Variants in KCNQ3 observed in about 807,000 individuals in gnomAD.
KCNQ3 encodes the protein potassium voltage-gated channel subfamily Q member 3, also known as potassium voltage-gated channel subfamily KQT member 3.
Under a neutral mutation model 92.5 loss-of-function variants are expected in KCNQ3, and 30 were observed. The ratio of observed to expected loss-of-function variants is 0.32; its 90% confidence interval spans 0.24 to 0.44. The LOEUF (loss-of-function observed/expected upper bound fraction) is 0.44, where lower values mean the gene tolerates loss of function less well. KCNQ3 is among the 20% of genes least tolerant of loss of function. The pLI is 1.00. For synonymous variants in KCNQ3, 450 were observed against 468.8 expected (o/e 0.96, Z 0.52); for missense variants, 913 against 1,140.3 (o/e 0.80, Z 2.87).
At chr8:132,350,024 G>T (rs1349526949) in intron 1 of KCNQ3, among the ~76,000 whole-genome samples, 1 of 152,162 alleles carries the variant, frequency 6.6e-6, no homozygotes, top group Non-Finnish European at 1.5e-5. Context: ...TCATTTAAAT[G>T]GAGCCTCTTT....
At chr8:132,310,623 TG>T in intron 1 of KCNQ3, among the ~76,000 whole-genome samples, 1 of 152,342 alleles carries the variant, frequency 6.6e-6, no homozygotes, top group Admixed American at 6.5e-5. Context: ...AATGTGGGCC[TG>T]GGCACCACAG....
At chr8:132,358,349 A>G (rs148927863) in intron 1 of KCNQ3, among the ~76,000 whole-genome samples, 186 of 152,132 alleles carry the variant, frequency 1.2e-3, no homozygotes, top group African/African-American at 4.3e-3. Flanking sequence ...GATGCTTTAG[A>G]CCCCCTCTGG....
chr8:132,127,066 A>G lies in KCNQ3; in HGVS notation c.*2196T>C, dbSNP rs961888657. 2.0e-5 allele frequency: 3 copies of G among 152,186 alleles called. No individual in the cohort carries two copies. Among genetic ancestry groups the G allele is most frequent in the Non-Finnish European group, 4.4e-5 (3 of 68,038 alleles). The allele number at this position is 152,186 out of a possible 1,614,324, so 9.4% of individuals were successfully genotyped here. A position where few individuals can be genotyped will look rare whatever the true frequency, so the allele number is the denominator to read the frequency against. ...AGTGAAAGATTCCAGGAAGATCAGG[A>G]TTCAATAATCAAGCCCTCAGGAAGG... On this transcript the variant is annotated 3_prime_UTR_variant, in exon 15 of 15. Coordinates refer to ENST00000388996, the MANE Select transcript of KCNQ3 (RefSeq NM_004519.4).
At chr8:132,347,328 C>T (rs962590078) in intron 1 of KCNQ3, among the ~76,000 whole-genome samples, 2 of 152,114 alleles carry the variant, frequency 1.3e-5, no homozygotes, top group African/African-American at 2.4e-5. Context: ...CATGATGATG[C>T]GATGGCAATG....
At chr8:132,432,261 G>C (rs900365754) in intron 1 of KCNQ3, among the ~76,000 whole-genome samples, 1 of 151,918 alleles carries the variant, frequency 6.6e-6, no homozygotes, top group Non-Finnish European at 1.5e-5. Flanking sequence ...GAATTAATCA[G>C]GATCAGGGAA....
chr8:132,440,574 C>T (rs1299276024), intron 1 of KCNQ3, among the ~76,000 whole-genome samples: 1 of 152,266 alleles, frequency 6.6e-6, no homozygotes, highest in African/African-American at 2.4e-5. Context: ...CCATGTCGGT[C>T]GTGGGAAACT....
In KCNQ3 at chr8:132,121,790, T is replaced by C. The variant is rs1265198959; in HGVS notation, c.*7472A>G. On this transcript the variant is annotated 3_prime_UTR_variant, in exon 15 of 15. Coordinates refer to ENST00000388996, the MANE Select transcript of KCNQ3 (RefSeq NM_004519.4). Reference sequence around the variant, plus strand: ...TTTGAACTTGTTTGGTTAAAAACAATGACAGGAGCTCCTTGGGGGCAGAGA... The same window carrying C: ...TTTGAACTTGTTTGGTTAAAAACAACGACAGGAGCTCCTTGGGGGCAGAGA... 1 of 152,184 alleles carries C rather than the reference T, an allele frequency of 6.6e-6. No individual in the cohort carries two copies. Among genetic ancestry groups the C allele is most frequent in the Non-Finnish European group, 1.5e-5 (1 of 68,030 alleles). 9.4% of individuals were successfully genotyped at this position (152,184 alleles called of 1,614,324 possible).
intron 1 of KCNQ3, among the ~76,000 whole-genome samples, chr8:132,198,960 A>G (rs1827381578): frequency 6.6e-6 from 1 of 152,166 alleles, no homozygotes; most frequent in Non-Finnish European, 1.5e-5. Flanking sequence ...CCATGCAAAC[A>G]TCCTTGACAA....
Position 132,134,362 on chromosome 8 carries a change from G to T in KCNQ3, c.1727C>A (p.Pro576His), listed in dbSNP as rs371890934. The change falls in exon 13 of 15, where the codon CCT (proline) becomes CAT (histidine). Residue 576 changes from proline (P) to histidine (H), a missense_variant. Around this residue, in one of 6 missense-constraint regions of KCNQ3, gnomAD observed 182 missense variants for 234.5 expected, o/e 0.78. Coordinates refer to ENST00000388996, the MANE Select transcript of KCNQ3 (RefSeq NM_004519.4). ...CTTCTTGTGTTTTGGCGTGGAGGGA[G>T]GTCCAGGGGTGAAAATCATATCTAT... ...TRIDMIFTPG[P>H]PSTPKHKKSQ... The T allele has an allele frequency of 1.9e-6, 3 of 1,613,246 alleles. No homozygotes were observed. The highest frequency in any genetic ancestry group is 2.5e-6 in the Non-Finnish European group (3 of 1,179,410).
At chr8:132,208,518 A>G (rs1329271241) in intron 1 of KCNQ3, among the ~76,000 whole-genome samples, 1 of 152,192 alleles carries the variant, frequency 6.6e-6, no homozygotes, top group African/African-American at 2.4e-5. Flanking sequence ...GACCAGCATC[A>G]AACTTTGTGA....
intron 1 of KCNQ3, chr8:132,186,539 T>C: frequency 2.7e-6 from 1 of 367,412 alleles, no homozygotes. Flanking sequence ...AGTATATGAA[T>C]TAATTAATAA....
chr8:132,240,160 T>A (rs1484642503), intron 1 of KCNQ3, among the ~76,000 whole-genome samples: 5 of 149,866 alleles, frequency 3.3e-5, no homozygotes, highest in Non-Finnish European at 5.9e-5. Flanking sequence ...GGATGGCATA[T>A]CCATAGGCCT....
At chr8:132,460,416 A>T (rs1822035343) in intron 1 of KCNQ3, among the ~76,000 whole-genome samples, 1 of 152,276 alleles carries the variant, frequency 6.6e-6, no homozygotes. Context: ...TCTAGACTCC[A>T]TTTACTTTTC....
chr8:132,226,757 T>C (rs567373840), intron 1 of KCNQ3, among the ~76,000 whole-genome samples: 19 of 152,236 alleles, frequency 1.2e-4, no homozygotes, highest in African/African-American at 4.3e-4. Flanking sequence ...GGTCTTCTTG[T>C]GGATCCTGCC....
Position 132,126,088 on chromosome 8 carries a change from C to G in KCNQ3, c.*3174G>C, listed in dbSNP as rs1017113265. On this transcript the variant is annotated 3_prime_UTR_variant, in exon 15 of 15. Transcript: ENST00000388996. The stretch of plus-strand genomic sequence containing the variant: ...AAATTTTTCATGTCACATTGTGACC[C>G]AGAAAGACCAAATACATACATGAGA... 6.6e-6 allele frequency: 1 copy of G among 152,110 alleles called. No homozygotes were observed. The highest frequency in any genetic ancestry group is 1.5e-5 in the Non-Finnish European group (1 of 68,028). 9.4% of individuals were successfully genotyped at this position (152,110 alleles called of 1,614,324 possible). A position where few individuals can be genotyped will look rare whatever the true frequency, so the allele number is the denominator to read the frequency against.
At chr8:132,316,515 T>C (rs1817748190) in intron 1 of KCNQ3, among the ~76,000 whole-genome samples, 1 of 152,236 alleles carries the variant, frequency 6.6e-6, no homozygotes, top group South Asian at 2.1e-4. Context: ...CTGGCCACTG[T>C]GTGGCTCAGT....
At position 132,339,200 on chromosome 8, in the gene KCNQ3, A is replaced by G. The variant is rs572009871; in HGVS notation, c.386+140947T>C. ...CTCTGAACAAAGTGGGGGCTGGAAC[A>G]GAGCCAGGAGCAGGGCCCTTCCAGA... On this transcript the variant is annotated intron_variant, in intron 1 of 14. Transcript: ENST00000388996. 3.3e-5 allele frequency among the ~76,000 whole-genome samples: 5 copies of G among 152,348 alleles called. No homozygotes were observed. The South Asian group carries it at 1.0e-3, about 32-fold the overall frequency.
intron 1 of KCNQ3, among the ~76,000 whole-genome samples, chr8:132,248,951 C>G (rs939552938): frequency 6.6e-6 from 1 of 152,126 alleles, no homozygotes; most frequent in African/African-American, 2.4e-5. Flanking sequence ...AAGAATGAAG[C>G]CGCAGACCCT....
intron 1 of KCNQ3, among the ~76,000 whole-genome samples, chr8:132,400,607 C>T (rs985889335): frequency 2.6e-5 from 4 of 152,204 alleles, no homozygotes; most frequent in Non-Finnish European, 4.4e-5. Flanking sequence ...AGGAAGCCCA[C>T]GTGGGTACAG....
Sources: allele counts gnomAD v4.1 joint callset (sites outside exome capture counted in the v4.1 genomes callset), GRCh38; gene constraint gnomAD v4.1.1; regional missense constraint gnomAD v4.1.1; transcripts MANE v1.5; gene names NCBI Gene and HGNC (gene_info 2026-07-23, HGNC 2026-07-21).